The following ARID4B variants were observed in gnomAD, a reference collection of about 807,000 sequenced individuals.
ARID4B encodes the protein AT-rich interactive domain-containing protein 4B.
In ARID4B, 26 loss-of-function variants were observed where a neutral mutation model predicts 147.5. That is an observed-to-expected ratio of 0.18 (90% CI 0.13 to 0.24). The LOEUF is 0.24. Among genes scored for constraint, ARID4B ranks in the 10% least tolerant of loss-of-function variants. ARID4B has a pLI of 1.00. For synonymous variants in ARID4B, 512 were observed against 507.9 expected (o/e 1.01, Z -0.11); for missense variants, 1,179 against 1,511.5 (o/e 0.78, Z 3.65).
intron 2 of ARID4B, among the ~76,000 whole-genome samples, chr1:235,281,648 T>C (rs1455471911): frequency 6.6e-6 from 1 of 152,142 alleles, no homozygotes; most frequent in Non-Finnish European, 1.5e-5. Flanking sequence ...AGATCAAGCC[T>C]GCAGTGAGTT....
At chr1:235,182,854 G>T in intron 19 of ARID4B, 61 bp from the exon 20 acceptor site, 2 of 1,493,692 alleles carry the variant, frequency 1.3e-6, no homozygotes, top group Non-Finnish European at 1.8e-6. Flanking sequence ...TGTCTTCTAT[G>T]TGCCAGGGAC....
chr1:235,309,368 C>T (rs1290614906), intron 2 of ARID4B, among the ~76,000 whole-genome samples: 5 of 150,934 alleles, frequency 3.3e-5, no homozygotes, highest in Admixed American at 6.6e-5. Flanking sequence ...GCAACCACCC[C>T]GTCTGGGAAG....
rs942996358 is a variant in ARID4B, at chr1:235,167,954, T to A, written c.*571A>T. On this transcript the variant is annotated 3_prime_UTR_variant, in exon 24 of 24. Transcript: ENST00000264183. Reference sequence around the variant, plus strand: ...ACCTGTAAACATGTTCAGTCTTTTTTAAAGAGAATCTTTAATATTTGGTTA... The same window carrying A: ...ACCTGTAAACATGTTCAGTCTTTTTAAAAGAGAATCTTTAATATTTGGTTA... 1 of 196,842 alleles carries A rather than the reference T, an allele frequency of 5.1e-6. No individual in the cohort carries two copies. The highest frequency in any genetic ancestry group is 2.3e-5 in the African/African-American group (1 of 43,346). The allele number at this position is 196,842 out of a possible 1,614,324, so 12.2% of individuals were successfully genotyped here.
At chr1:235,233,156 T>C (rs537743473) in intron 9 of ARID4B, among the ~76,000 whole-genome samples, 9 of 152,124 alleles carry the variant, frequency 5.9e-5, no homozygotes, top group African/African-American at 2.2e-4. Flanking sequence ...TTTTTGAAGC[T>C]AACTTTTCAG....
At chr1:235,214,065 A>G in intron 16 of ARID4B, 39 bp from the exon 17 acceptor site, 1 of 1,564,212 alleles carries the variant, frequency 6.4e-7, no homozygotes, top group Non-Finnish European at 8.6e-7. Flanking sequence ...AATAAAAGAC[A>G]CTTCATAAGT....
At chr1:235,292,073 A>C (rs1672376394) in intron 2 of ARID4B, among the ~76,000 whole-genome samples, 1 of 152,260 alleles carries the variant, frequency 6.6e-6, no homozygotes, top group African/African-American at 2.4e-5. Flanking sequence ...TATTCAAAAA[A>C]TTAAACTAGG....
At chr1:235,177,775 T>A in intron 21 of ARID4B, 25 bp downstream of exon 21, 1 of 1,493,088 alleles carries the variant, frequency 6.7e-7, no homozygotes, top group Non-Finnish European at 9.3e-7. Context: ...TTTTATATTT[T>A]AAAAATTAGA....
intron 2 of ARID4B, among the ~76,000 whole-genome samples, chr1:235,316,580 G>T (rs893364965): frequency 6.6e-6 from 1 of 151,648 alleles, no homozygotes; most frequent in African/African-American, 2.4e-5. Flanking sequence ...ACTTTGGGAG[G>T]CTGAGGCAGG....
At chr1:235,267,906 A>G (rs569791364) in intron 2 of ARID4B, among the ~76,000 whole-genome samples, 141 of 152,312 alleles carry the variant, frequency 9.3e-4, no homozygotes, top group Admixed American at 1.9e-3. Context: ...GTCTCAAAAA[A>G]AAAAAGAAAA....
chr1:235,302,153 G>GAAAAAAAAAA (rs749154889), intron 2 of ARID4B, among the ~76,000 whole-genome samples: 3 of 30,664 alleles, frequency 9.8e-5, no homozygotes, highest in Middle Eastern at 0.028. Flanking sequence ...TCAAAAAACG[G>GAAAAAAAAAA]AAAAAAAAAA....
At position 235,174,957 on chromosome 1, in the gene ARID4B, T is replaced by C. The variant is rs541483214; in HGVS notation, c.3664+227A>G. Among the ~76,000 whole-genome samples the C allele has an allele frequency of 2.0e-5, 3 of 151,924 alleles. No homozygotes were observed. The East Asian group carries it at 5.8e-4, about 30-fold the overall frequency. ...TGTCTCTACTAAACACACAAAAAAA[T>C]TAGCTGGGTGTGGTGGCGCGTGCCT... On this transcript the variant is annotated intron_variant, in intron 22 of 23. Transcript: ENST00000264183.
intron 20 of ARID4B, chr1:235,180,130 G>GTTTT (rs1168672314): frequency 1.7e-5 from 2 of 116,884 alleles, no homozygotes; most frequent in East Asian, 2.4e-4. Context: ...TTCTTTTCTT[G>GTTTT]TTTTTTCTTT....
At chr1:235,256,447 G>C (rs1669997656) in intron 4 of ARID4B, among the ~76,000 whole-genome samples, 1 of 152,092 alleles carries the variant, frequency 6.6e-6, no homozygotes, top group Non-Finnish European at 1.5e-5. Flanking sequence ...AAATTGCTCT[G>C]GGGTTTCCTT....
In ARID4B at chr1:235,224,689, T is replaced by A. The variant is rs780619014; in HGVS notation, c.970+14A>T. The stretch of plus-strand genomic sequence containing the variant: ...CAAAACTTACCACGTTAATGATAAA[T>A]AAAAAATACTCACCTCTATCTTCCA... On this transcript the variant is annotated intron_variant, in intron 12 of 23. Coordinates refer to ENST00000264183, the MANE Select transcript of ARID4B (RefSeq NM_016374.6). 6.5e-7 allele frequency: 1 copy of A among 1,534,390 alleles called. No homozygotes were observed. The highest frequency in any genetic ancestry group is 1.2e-5 in the South Asian group (1 of 85,656).
intron 6 of ARID4B, among the ~76,000 whole-genome samples, chr1:235,249,061 G>C (rs1034464936): frequency 6.6e-6 from 1 of 152,190 alleles, no homozygotes; most frequent in African/African-American, 2.4e-5. Context: ...GGCTGGGCGC[G>C]GTGGCTCACG....
At chr1:235,184,014 A>G (rs1178731759) in intron 19 of ARID4B, among the ~76,000 whole-genome samples, 2 of 152,002 alleles carry the variant, frequency 1.3e-5, no homozygotes, top group Non-Finnish European at 2.9e-5. Flanking sequence ...CCTGAGCTCT[A>G]GCAACCTGCC....
chr1:235,178,764 T>C (rs1427839729), intron 20 of ARID4B, among the ~76,000 whole-genome samples: 2 of 152,190 alleles, frequency 1.3e-5, no homozygotes, highest in South Asian at 2.1e-4. Context: ...TCAGTTCCAA[T>C]GTCAGACACC....
intron 5 of ARID4B, among the ~76,000 whole-genome samples, chr1:235,254,720 G>T (rs1044664652): frequency 6.6e-6 from 1 of 151,470 alleles, no homozygotes; most frequent in Non-Finnish European, 1.5e-5. Context: ...AAACTAATAA[G>T]AAAAAGATAA....
Position 235,255,267 on chromosome 1 carries a change from A to AGATCTATCTATCTATCTATCTATCTATC in ARID4B, c.274+392_274+393insGATAGATAGATAGATAGATAGATAGATC, listed in dbSNP as rs1553304359. The stretch of plus-strand genomic sequence containing the variant: ...GATAGATAGATAGATAGATAGATAT[A>AGATCTATCTATCTATCTATCTATCTATC]TATCTCTCTCTCTCTCTCTCTATAT... On this transcript the variant is annotated intron_variant, in intron 5 of 23. Transcript: ENST00000264183. Among the ~76,000 whole-genome samples the AGATCTATCTATCTATCTATCTATCTATC allele has an allele frequency of 1.5e-4, 20 of 137,248 alleles. No homozygotes were observed. The South Asian group carries it at 2.6e-3, about 18-fold the overall frequency. 90.0% of individuals were successfully genotyped at this position (137,248 alleles called of 152,430 possible). A position where few individuals can be genotyped will look rare whatever the true frequency, so the allele number is the denominator to read the frequency against.
Sources: allele counts gnomAD v4.1 joint callset (sites outside exome capture counted in the v4.1 genomes callset), GRCh38; gene constraint gnomAD v4.1.1; transcripts MANE v1.5; gene names NCBI Gene and HGNC (gene_info 2026-07-23, HGNC 2026-07-21).